FUBP3: variants seen among roughly 807,000 people sequenced by gnomAD.
The protein encoded by FUBP3 is far upstream element-binding protein 3.
A neutral mutation model predicts 85.6 loss-of-function variants in FUBP3; 28 were observed. The ratio of observed to expected loss-of-function variants is 0.33; its 90% CI spans 0.24 to 0.45. The LOEUF is 0.45. Ranked by LOEUF, FUBP3 falls within the 20% of genes least tolerant of loss-of-function variation. The probability of loss-of-function intolerance (pLI) is 1.00; values close to 1 mark genes in which losing one functional copy is unlikely to be tolerated. For synonymous variants in FUBP3, 271 were observed against 271.4 expected, an observed-to-expected ratio of 1.00 and a Z score of 0.01; for missense variants, 583 against 755.1, an observed-to-expected ratio of 0.77 and a Z score of 2.67.
At chr9:130,629,989 A>G (rs1361574078) in intron 12 of FUBP3, among the ~76,000 whole-genome samples, 1 of 152,144 alleles carries the variant, frequency 6.6e-6, no homozygotes, top group African/African-American at 2.4e-5. Context: ...GACCAACTGA[A>G]TTTTTGTTAG....
At chr9:130,628,084 A>G (rs1830054444) in intron 12 of FUBP3, among the ~76,000 whole-genome samples, 2 of 126,504 alleles carry the variant, frequency 1.6e-5, no homozygotes, top group South Asian at 5.5e-4. Context: ...CACTAAACAC[A>G]CGCACGCACG....
At position 130,635,391 on chromosome 9, in the gene FUBP3, C is replaced by T. The variant is rs937905834; in HGVS notation, c.1583-608C>T. 1.3e-5 allele frequency among the ~76,000 whole-genome samples: 2 copies of T among 152,188 alleles called. No homozygotes were observed. The highest frequency in any genetic ancestry group is 1.5e-5 in the Non-Finnish European group (1 of 68,036). On this transcript the variant is annotated intron_variant, in intron 17 of 18. Coordinates refer to ENST00000319725, the MANE Select transcript of FUBP3 (RefSeq NM_003934.2). This position sits in a 1 kb window ranked among gnomAD's most constrained non-coding sequence, Gnocchi z 4.3. ...AGGGCTTGTTTAAAGAGGTATCTCA[C>T]GTGCCTTGTGTTTGGAGGATGTTTC...
chr9:130,606,517 G>C (rs1831445281), intron 2 of FUBP3, among the ~76,000 whole-genome samples: 1 of 152,090 alleles, frequency 6.6e-6, no homozygotes, highest in Admixed American at 6.6e-5. Context: ...GGGAGTGGGG[G>C]TATAACTATT....
chr9:130,619,245 A>T (rs997999818), intron 8 of FUBP3, among the ~76,000 whole-genome samples: 4 of 146,536 alleles, frequency 2.7e-5, no homozygotes, highest in African/African-American at 1.0e-4. Context: ...AATTTGCAGG[A>T]AAATAATTTT....
intron 1 of FUBP3, among the ~76,000 whole-genome samples, chr9:130,580,191 TTC>T (rs1396405013): frequency 6.6e-6 from 1 of 152,168 alleles, no homozygotes; most frequent in Non-Finnish European, 1.5e-5. Context: ...TCTTTAGACT[TTC>T]TGTTGAGTAG....
intron 1 of FUBP3, among the ~76,000 whole-genome samples, chr9:130,582,430 GAC>G (rs1462952841): frequency 6.7e-6 from 1 of 148,836 alleles, no homozygotes; most frequent in Non-Finnish European, 1.5e-5. Context: ...CAGCCTGAGT[GAC>G]AGAGTGAGAC....
At chr9:130,597,336 C>T (rs778149267) in intron 2 of FUBP3, among the ~76,000 whole-genome samples, 3 of 152,108 alleles carry the variant, frequency 2.0e-5, no homozygotes, top group Non-Finnish European at 2.9e-5. Context: ...GTTAACCCTG[C>T]TTCAAGGGAA....
chr9:130,598,117 C>T (rs1349425830), intron 2 of FUBP3, among the ~76,000 whole-genome samples: 2 of 152,194 alleles, frequency 1.3e-5, no homozygotes, highest in Non-Finnish European at 2.9e-5. Context: ...TGATCTTTGG[C>T]CAAGTCAGCT....
At chr9:130,585,026 G>A (rs1358595061) in intron 1 of FUBP3, among the ~76,000 whole-genome samples, 1 of 152,124 alleles carries the variant, frequency 6.6e-6, no homozygotes. Context: ...CAGGTGTGGT[G>A]GCACGCACCT....
intron 2 of FUBP3, among the ~76,000 whole-genome samples, chr9:130,607,432 C>T (rs1831517626): frequency 6.6e-6 from 1 of 152,172 alleles, no homozygotes; most frequent in African/African-American, 2.4e-5. Flanking sequence ...GCTGGAATTG[C>T]TCCAACGGGA....
intron 1 of FUBP3, among the ~76,000 whole-genome samples, chr9:130,585,296 C>G (rs1225987395): frequency 6.6e-6 from 1 of 152,204 alleles, no homozygotes; most frequent in Non-Finnish European, 1.5e-5. Flanking sequence ...TCCGGGTTGT[C>G]TTCATTCCCG....
At chr9:130,597,906 G>A (rs1564196631) in intron 2 of FUBP3, among the ~76,000 whole-genome samples, 1 of 152,172 alleles carries the variant, frequency 6.6e-6, no homozygotes, top group African/African-American at 2.4e-5. Flanking sequence ...GATTCAGCAC[G>A]ACACAGAAAC....
chr9:130,597,489 GC>G (rs1489342081), intron 2 of FUBP3, among the ~76,000 whole-genome samples: 1 of 152,174 alleles, frequency 6.6e-6, no homozygotes, highest in Non-Finnish European at 1.5e-5. Flanking sequence ...CGCTTGGTCT[GC>G]CTCTGCTTTT....
intron 2 of FUBP3, among the ~76,000 whole-genome samples, chr9:130,599,357 ATATGTG>A (rs1012385781): frequency 3.1e-4 from 23 of 74,454 alleles, no homozygotes; most frequent in African/African-American, 2.0e-3. Context: ...ATATATAAGT[ATATGTG>A]TGTGTGTGTG....
chr9:130,581,541 A>G (rs1830131238), intron 1 of FUBP3: 1 of 152,212 alleles, frequency 6.6e-6, no homozygotes, highest in African/African-American at 2.4e-5. Context: ...GGTTTATTGT[A>G]TATAGATTTG....
chr9:130,593,008 A>T (rs988179281), intron 1 of FUBP3, among the ~76,000 whole-genome samples: 1 of 151,854 alleles, frequency 6.6e-6, no homozygotes, highest in Non-Finnish European at 1.5e-5. Context: ...CCATGCTGGC[A>T]AGATTGACTT....
Position 130,632,426 on chromosome 9 carries a change from G to A in FUBP3, c.1510+148G>A, listed in dbSNP as rs555690535. On this transcript the variant is annotated intron_variant, in intron 16 of 18. Transcript: ENST00000319725. ...AAGGAGCCCTCTGGGTGGGGCTTGG[G>A]CCCTCCTGCAGGCCTGTACCAGGGG... 6.1e-6 allele frequency: 4 copies of A among 652,710 alleles called. No individual in the cohort carries two copies. The East Asian group carries it at 8.1e-5, about 13-fold the overall frequency. 40.4% of individuals were successfully genotyped at this position (652,710 alleles called of 1,614,324 possible).
chr9:130,579,630 G>A lies in FUBP3; in HGVS notation c.-51G>A. ...GCGGGAGGCCGGACCGGGGAGCCGA[G>A]CGGCGGCGTCGGCGGCGTCGGCGGC... On this transcript the variant is annotated 5_prime_UTR_variant, in exon 1 of 19. Transcript: ENST00000319725. The A allele has an allele frequency of 8.9e-7, 1 of 1,121,118 alleles. No homozygotes were observed. Among genetic ancestry groups the A allele is most frequent in the Non-Finnish European group, 1.1e-6 (1 of 886,142 alleles). 69.4% of individuals were successfully genotyped at this position (1,121,118 alleles called of 1,614,324 possible).
At chr9:130,613,722 G>T (rs1831865397) in intron 5 of FUBP3, among the ~76,000 whole-genome samples, 1 of 151,962 alleles carries the variant, frequency 6.6e-6, no homozygotes, top group Non-Finnish European at 1.5e-5. Flanking sequence ...CATTTTTTTT[G>T]AGGAAGGATT....
Sources: gnomAD v4.1 joint callset for allele counts (sites outside exome capture counted in the v4.1 genomes callset) on GRCh38, gnomAD v4.1.1 for gene constraint, Gnocchi (gnomAD v3.1) non-coding constraint, MANE v1.5 for transcripts, NCBI Gene and HGNC (gene_info 2026-07-23, HGNC 2026-07-21) for gene names.